The following CAPS2 variants were observed in gnomAD, a reference collection of about 807,000 sequenced individuals.
CAPS2 encodes the protein calcyphosine 2.
In CAPS2, 98 loss-of-function variants were observed where a neutral mutation model predicts 86.5. The ratio of observed to expected loss-of-function variants is 1.13; its 90% CI spans 0.96 to 1.34. CAPS2 has a LOEUF of 1.34. Ranked by LOEUF, CAPS2 falls within the 40% of genes most tolerant of loss-of-function variation. The probability of loss-of-function intolerance (pLI) is 0.00; values close to 1 mark genes in which losing one functional copy is unlikely to be tolerated. For synonymous variants in CAPS2, 210 were observed against 225.1 expected (o/e 0.93, Z 0.60); for missense variants, 729 against 686.8 (o/e 1.06, Z -0.69).
chr12:75,307,087 T>C (rs1365481959), intron 7 of CAPS2, among the ~76,000 whole-genome samples: 1 of 152,146 alleles, frequency 6.6e-6, no homozygotes, highest in Non-Finnish European at 1.5e-5. Flanking sequence ...GTACAGACTC[T>C]GCAACTAGAC....
At chr12:75,326,033 G>C (rs1010940714) in intron 1 of CAPS2, among the ~76,000 whole-genome samples, 1 of 152,066 alleles carries the variant, frequency 6.6e-6, no homozygotes, top group African/African-American at 2.4e-5. Flanking sequence ...AAAACTTCAA[G>C]TTAATGAAAA....
intron 7 of CAPS2, chr12:75,306,236 A>C (rs1401563178): frequency 6.1e-6 from 4 of 651,768 alleles, no homozygotes; most frequent in South Asian, 1.8e-5. Flanking sequence ...AATTACGAAC[A>C]TGCAAATCAT....
chr12:75,385,841 A>G (rs896399315), intron 1 of CAPS2, among the ~76,000 whole-genome samples: 2 of 152,204 alleles, frequency 1.3e-5, no homozygotes, highest in Non-Finnish European at 2.9e-5. Flanking sequence ...AATTGGAAAC[A>G]TAATAGCGTT....
chr12:75,358,886 T>C (rs575860597), intron 1 of CAPS2, among the ~76,000 whole-genome samples: 37 of 143,976 alleles, frequency 2.6e-4, no homozygotes, highest in Non-Finnish European at 5.0e-4. Context: ...TATAATTATA[T>C]ATATTACATA....
chr12:75,293,061 G>C (rs1345258785), intron 12 of CAPS2, among the ~76,000 whole-genome samples, 188 bp downstream of exon 12: 2 of 151,994 alleles, frequency 1.3e-5, no homozygotes, highest in Non-Finnish European at 2.9e-5. Context: ...GATTATAACT[G>C]TTCCCACACA....
intron 1 of CAPS2, among the ~76,000 whole-genome samples, chr12:75,349,908 A>T (rs1448972702): frequency 1.3e-5 from 2 of 152,252 alleles, no homozygotes; most frequent in Non-Finnish European, 2.9e-5. Flanking sequence ...GCTGCAATAC[A>T]ACTTTTAGTG....
At chr12:75,311,269 T>C (rs1413627243) in intron 7 of CAPS2, among the ~76,000 whole-genome samples, 2 of 152,110 alleles carry the variant, frequency 1.3e-5, no homozygotes, top group African/African-American at 2.4e-5. Flanking sequence ...TTGAACAGGA[T>C]GGTGGCAGCA....
At chr12:75,316,241 C>A in intron 6 of CAPS2, 71 bp downstream of exon 6, 1 of 1,517,288 alleles carries the variant, frequency 6.6e-7, no homozygotes. Context: ...TTATTCCATT[C>A]AGTCTTTAAA....
intron 1 of CAPS2, among the ~76,000 whole-genome samples, chr12:75,337,599 CACT>C (rs1309137575): frequency 6.6e-6 from 1 of 151,896 alleles, no homozygotes; most frequent in Admixed American, 6.5e-5. Context: ...GCATAAAATG[CACT>C]AGTTTTAATG....
intron 12 of CAPS2, among the ~76,000 whole-genome samples, chr12:75,292,684 T>C (rs1372513639): frequency 6.8e-6 from 1 of 147,206 alleles, no homozygotes; most frequent in African/African-American, 2.5e-5. Flanking sequence ...TAATCTATAA[T>C]ACATATATAA....
At chr12:75,364,618 A>G (rs1331318727) in intron 1 of CAPS2, among the ~76,000 whole-genome samples, 1 of 152,244 alleles carries the variant, frequency 6.6e-6, no homozygotes, top group Admixed American at 6.5e-5. Context: ...ACAAAGGTGA[A>G]GATACAAAAT....
chr12:75,335,717 A>G (rs2041686929), intron 1 of CAPS2, among the ~76,000 whole-genome samples: 1 of 152,094 alleles, frequency 6.6e-6, no homozygotes, highest in African/African-American at 2.4e-5. Context: ...TTTGATGGAG[A>G]AAGATTCAAA....
downstream of CAPS2, chr12:75,276,350 C>G (rs1367658867): frequency 1.4e-6 from 2 of 1,433,712 alleles, no homozygotes; most frequent in African/African-American, 3.0e-5. Context: ...TAAACATAGC[C>G]TAATGTACAC....
intron 5 of CAPS2, among the ~76,000 whole-genome samples, chr12:75,318,981 AGAG>A (rs1448517147): frequency 6.6e-6 from 1 of 152,224 alleles, no homozygotes; most frequent in Non-Finnish European, 1.5e-5. Flanking sequence ...GAGTGAAAAA[AGAG>A]GTATTTGAAA....
rs139985873 is a variant in CAPS2, at chr12:75,311,086, T to C, written c.659+1762A>G. The stretch of plus-strand genomic sequence containing the variant: ...ACACATAATTAATACGTGAGCCTCG[T>C]AGGCTTCACTATGATTAAAATGAGA... On this transcript the variant is annotated intron_variant, in intron 7 of 16. Transcript: ENST00000393284. 4.1e-3 allele frequency among the ~76,000 whole-genome samples: 629 copies of C among 152,334 alleles called. 3 individuals are homozygous for C. The highest frequency in any genetic ancestry group is 0.015 in the African/African-American group (603 of 41,570).
chr12:75,313,703 G>A (rs971415242), intron 6 of CAPS2, among the ~76,000 whole-genome samples: 4 of 152,116 alleles, frequency 2.6e-5, no homozygotes, highest in African/African-American at 9.7e-5. Context: ...TCTATTTTTA[G>A]AATGTAAATT....
chr12:75,290,005 G>A (rs1174216358), intron 13 of CAPS2, among the ~76,000 whole-genome samples: 1 of 152,160 alleles, frequency 6.6e-6, no homozygotes, highest in Non-Finnish European at 1.5e-5. Context: ...CCACTGTGTG[G>A]TGGAAGTGGT....
chr12:75,346,137 A>G lies in CAPS2; in HGVS notation c.-394-22915T>C, dbSNP rs1472802907. Among the ~76,000 whole-genome samples, 4 of 152,206 alleles carry G rather than the reference A, an allele frequency of 2.6e-5. No homozygotes were observed. In the South Asian group the frequency reaches 6.2e-4, roughly 24 times the overall value. ...TACATAGTGAATATTTATTCTCACG[A>G]TTCCAAAAGCCCCAAAAAGTCACAA... On this transcript the variant is annotated intron_variant, in intron 1 of 5. Transcript: ENST00000551829.
chr12:75,390,618 C>T (rs977140172), intron 1 of CAPS2, among the ~76,000 whole-genome samples: 1 of 152,206 alleles, frequency 6.6e-6, no homozygotes. Flanking sequence ...ATTTCCAACT[C>T]AACAGGTAAT....
Sources: allele counts gnomAD v4.1 joint callset (sites outside exome capture counted in the v4.1 genomes callset), GRCh38; gene constraint gnomAD v4.1.1; transcripts MANE v1.5; gene names NCBI Gene and HGNC (gene_info 2026-07-23, HGNC 2026-07-21).